SYTL3: variants seen among roughly 807,000 people sequenced by gnomAD.
SYTL3 encodes synaptotagmin-like protein 3.
Under a neutral mutation model 82.1 loss-of-function variants are expected in SYTL3, and 88 were observed. The observed-to-expected ratio is 1.07, with a 90% confidence interval of 0.90 to 1.28. The LOEUF (loss-of-function observed/expected upper bound fraction) is 1.28. Among genes scored for constraint, SYTL3 ranks in the 50% most tolerant of loss-of-function variants. The pLI, the probability that SYTL3 is intolerant of heterozygous loss-of-function variation, is 0.00. For synonymous variants in SYTL3, 311 were observed against 289.4 expected, an observed-to-expected ratio of 1.07 and a Z score of -0.76; for missense variants, 831 against 757.6, an observed-to-expected ratio of 1.10 and a Z score of -1.14.
At position 158,739,769 on chromosome 6, in the gene SYTL3, C is replaced by T. The variant is rs138826703; in HGVS notation, c.856-5711C>T. Among the ~76,000 whole-genome samples, 82 of 152,258 alleles carry T rather than the reference C, an allele frequency of 5.4e-4. No homozygotes were observed. The East Asian group carries it at 0.016, about 29-fold the overall frequency. ...GCCTCAAGCAGTCCTCCCACCTTGGCCTCCCAAAGCACTGGGGTTACAGGC... is the reference window on the plus strand; with the variant it reads ...GCCTCAAGCAGTCCTCCCACCTTGGTCTCCCAAAGCACTGGGGTTACAGGC... On this transcript the variant is annotated intron_variant, in intron 11 of 17. Transcript: ENST00000611299.
rs1232628554 is a variant in SYTL3 at position 158,753,944 on chromosome 6, C to CG, written c.1137+1914_1137+1915insG. Among the ~76,000 whole-genome samples the CG allele has an allele frequency of 1.8e-4, 28 of 151,984 alleles. 1 individual carries two copies. Among genetic ancestry groups the CG allele is most frequent in the East Asian group, 1.7e-3 (9 of 5,174 alleles). On this transcript the variant is annotated intron_variant, in intron 13 of 17. Transcript: ENST00000611299. ...TAAATGCAAAATAACCCAACACCGG[C>CG]CAGCCTCATCCTTAATAGAAATATG...
chr6:158,729,010 G>A (rs1240914733), intron 11 of SYTL3, among the ~76,000 whole-genome samples: 3 of 152,178 alleles, frequency 2.0e-5, no homozygotes, highest in Non-Finnish European at 4.4e-5. Flanking sequence ...CCAAGATCAC[G>A]CCACTGCACT....
chr6:158,741,618 G>A (rs1398538991), intron 11 of SYTL3, among the ~76,000 whole-genome samples: 1 of 152,178 alleles, frequency 6.6e-6, no homozygotes, highest in African/African-American at 2.4e-5. Context: ...TTTGGGAAGT[G>A]CTTTGGAGTT....
intron 6 of SYTL3, among the ~76,000 whole-genome samples, chr6:158,687,831 T>G: frequency 6.6e-6 from 1 of 152,192 alleles, no homozygotes; most frequent in East Asian, 1.9e-4. Context: ...ACTTTCTGAT[T>G]ACAGAAGTAA....
intron 13 of SYTL3, 142 bp from the exon 14 acceptor site, chr6:158,757,069 C>G (rs986255729): frequency 9.1e-6 from 6 of 656,080 alleles, no homozygotes; most frequent in Non-Finnish European, 1.4e-5. Flanking sequence ...TGGCTGCATC[C>G]GCATCTTGGA....
At chr6:158,654,004 C>T (rs540831920) in intron 2 of SYTL3, among the ~76,000 whole-genome samples, 1 of 152,352 alleles carries the variant, frequency 6.6e-6, no homozygotes, top group Non-Finnish European at 1.5e-5. Context: ...TTTTCTTGTA[C>T]TTTTCCCCTT....
At chr6:158,681,235 T>C (rs1016220651) in intron 5 of SYTL3, among the ~76,000 whole-genome samples, 1 of 152,190 alleles carries the variant, frequency 6.6e-6, no homozygotes, top group Non-Finnish European at 1.5e-5. Context: ...AATTCTGCCT[T>C]TCTGAGATTG....
intron 12 of SYTL3, among the ~76,000 whole-genome samples, chr6:158,747,750 G>A (rs1787860492): frequency 6.6e-6 from 1 of 152,068 alleles, no homozygotes; most frequent in African/African-American, 2.4e-5. Context: ...GCCTCCCAAA[G>A]CTCTGGGATT....
intron 6 of SYTL3, among the ~76,000 whole-genome samples, chr6:158,690,898 G>C (rs1180875091): frequency 1.3e-5 from 2 of 152,136 alleles, no homozygotes; most frequent in African/African-American, 4.8e-5. Context: ...ATCACCTTCT[G>C]TGCCTCCATC....
chr6:158,758,447 A>C (rs1370357169), intron 14 of SYTL3, among the ~76,000 whole-genome samples: 1 of 151,916 alleles, frequency 6.6e-6, no homozygotes, highest in Non-Finnish European at 1.5e-5. Flanking sequence ...AAAAAAAAAA[A>C]AAAAACCCAG....
intron 15 of SYTL3, 131 bp from the exon 16 acceptor site, chr6:158,761,945 C>A: frequency 1.6e-6 from 1 of 641,338 alleles, no homozygotes; most frequent in East Asian, 2.7e-5. Context: ...CTGCACCACT[C>A]CCATCTGCTC....
At chr6:158,759,507 G>A (rs1176824137) in intron 14 of SYTL3, among the ~76,000 whole-genome samples, 2 of 152,174 alleles carry the variant, frequency 1.3e-5, no homozygotes, top group Non-Finnish European at 2.9e-5. Flanking sequence ...TGTCCAACCT[G>A]CAGCCCGGGA....
At chr6:158,762,010 T>C in intron 15 of SYTL3, 66 bp from the exon 16 acceptor site, 1 of 1,140,172 alleles carries the variant, frequency 8.8e-7, no homozygotes. Context: ...GGTTTTGGGG[T>C]GGTGGTACTG....
chr6:158,739,994 C>CTT (rs35026438), intron 11 of SYTL3, among the ~76,000 whole-genome samples: 6,845 of 105,400 alleles, frequency 0.065, 501 homozygotes, highest in Non-Finnish European at 0.08. Context: ...AGGCAACTTA[C>CTT]TTTTTTTTTT....
chr6:158,682,582 A>G (rs1221943114), intron 5 of SYTL3, among the ~76,000 whole-genome samples: 1 of 150,994 alleles, frequency 6.6e-6, no homozygotes, highest in African/African-American at 2.4e-5. Context: ...GATGGTCTTG[A>G]TCTCCTGACC....
chr6:158,739,994 C>CTTTTTTTTTTTT (rs35026438), intron 11 of SYTL3, among the ~76,000 whole-genome samples: 6 of 105,576 alleles, frequency 5.7e-5, no homozygotes, highest in Admixed American at 1.1e-4. Flanking sequence ...AGGCAACTTA[C>CTTTTTTTTTTTT]TTTTTTTTTT....
rs1194034716 is a variant in SYTL3 at position 158,713,874 on chromosome 6, G to A, written c.591G>A (p.Val197=). The A allele has an allele frequency of 1.3e-6, 2 of 1,549,400 alleles. No homozygotes were observed. The highest frequency in any genetic ancestry group is 2.4e-5 in the South Asian group (2 of 84,008). Residue 197 remains valine, a synonymous_variant, in exon 9 of 18, where the codon GTG becomes GTA. Coordinates refer to ENST00000611299, the MANE Select transcript of SYTL3 (RefSeq NM_001242394.2). The part of the protein sequence containing the change: ...ENLFLSLATH[V]KKLSKSQNDM... ...TGTTTCTGTCTCTTGCTACCCACGT[G>A]AAAAGTAAGTGCATGCTTCATGATG...
chr6:158,751,837 C>G (rs1583479607), intron 12 of SYTL3, 91 bp from the exon 13 acceptor site: 1 of 938,258 alleles, frequency 1.1e-6, no homozygotes, highest in African/African-American at 1.7e-5. Flanking sequence ...GTAAAGAAAA[C>G]GCTGGCATGT....
chr6:158,649,765 A>C (rs1219626417), upstream of SYTL3, among the ~76,000 whole-genome samples: 1 of 152,258 alleles, frequency 6.6e-6, no homozygotes, highest in Non-Finnish European at 1.5e-5. Context: ...TGAAGGCTGT[A>C]GTCTCTGTAG....
Sources: gnomAD v4.1 joint callset for allele counts (sites outside exome capture counted in the v4.1 genomes callset) on GRCh38, gnomAD v4.1.1 for gene constraint, MANE v1.5 for transcripts, NCBI Gene and HGNC (gene_info 2026-07-23, HGNC 2026-07-21) for gene names.